The following PDE3B variants were observed in gnomAD, a reference collection of about 807,000 sequenced individuals.
PDE3B encodes phosphodiesterase 3B, also known as cGMP-inhibited 3',5'-cyclic phosphodiesterase 3B.
A neutral mutation model predicts 116.8 loss-of-function variants in PDE3B; 66 were observed. That is an observed-to-expected ratio of 0.56 (90% CI 0.46 to 0.69). The LOEUF (loss-of-function observed/expected upper bound fraction) is 0.69, where lower values mean the gene tolerates loss of function less well. Among genes scored for constraint, PDE3B ranks in the 30% least tolerant of loss-of-function variants. The pLI, the probability that PDE3B is intolerant of heterozygous loss-of-function variation, is 0.00. For synonymous variants in PDE3B, 595 were observed against 533.6 expected, an observed-to-expected ratio of 1.12 and a Z score of -1.59; for missense variants, 1,384 against 1,368.1, an observed-to-expected ratio of 1.01 and a Z score of -0.18.
chr11:14,743,685 G>T lies in PDE3B; in HGVS notation c.979-28252G>T, dbSNP rs551214154. Among the ~76,000 whole-genome samples, 182 of 152,328 alleles carry T rather than the reference G, an allele frequency of 1.2e-3. 1 individual carries two copies. Among genetic ancestry groups the T allele is most frequent in the Middle Eastern group, 3.4e-3 (1 of 294 alleles). On this transcript the variant is annotated intron_variant, in intron 1 of 15. Transcript: ENST00000282096. ...TTTGTGCTTGAAACCCAGGACCCTGGTGGCGTAGGTACCAGAGGGATTTTC... is the reference window on the plus strand; with the variant it reads ...TTTGTGCTTGAAACCCAGGACCCTGTTGGCGTAGGTACCAGAGGGATTTTC...
At chr11:14,756,193 A>G (rs1857175774) in intron 1 of PDE3B, among the ~76,000 whole-genome samples, 1 of 152,122 alleles carries the variant, frequency 6.6e-6, no homozygotes, top group South Asian at 2.1e-4. Context: ...GCTGGATACT[A>G]AGAATGATAA....
chr11:14,683,230 G>A (rs1397952614), intron 1 of PDE3B, among the ~76,000 whole-genome samples: 2 of 152,120 alleles, frequency 1.3e-5, no homozygotes, highest in Non-Finnish European at 2.9e-5. Flanking sequence ...GTGAGCCACC[G>A]TGCCTGGCCT....
chr11:14,881,172 T>C, the PDE3B span, among the ~76,000 whole-genome samples: 1 of 152,142 alleles, frequency 6.6e-6, no homozygotes, highest in South Asian at 2.1e-4. Context: ...CTTCTAGGAT[T>C]AGAAATTTTC....
At chr11:14,832,878 T>C in intron 10 of PDE3B, 45 bp downstream of exon 10, 2 of 818,858 alleles carry the variant, frequency 2.4e-6, no homozygotes, top group Non-Finnish European at 2.0e-6. Flanking sequence ...ATAATATGGG[T>C]TTTGAAACTC....
intron 2 of PDE3B, among the ~76,000 whole-genome samples, chr11:14,781,035 C>G (rs1425690291): frequency 2.6e-5 from 4 of 152,076 alleles, no homozygotes; most frequent in South Asian, 4.2e-4. Flanking sequence ...ACTGTAAACA[C>G]CCCTAAGCAA....
intron 1 of PDE3B, among the ~76,000 whole-genome samples, chr11:14,768,250 C>CAGAG (rs925395122): frequency 6.6e-6 from 1 of 151,472 alleles, no homozygotes; most frequent in African/African-American, 2.4e-5. Flanking sequence ...GTGTAAAGTA[C>CAGAG]AGAGACTAAA....
chr11:14,877,321 T>C, the PDE3B span: 2 of 152,262 alleles, frequency 1.3e-5, no homozygotes, highest in Non-Finnish European at 2.9e-5. Context: ...CACTAACCCA[T>C]GGAAATGCCT....
chr11:14,678,971 T>C (rs1854613242), intron 1 of PDE3B, among the ~76,000 whole-genome samples: 1 of 152,186 alleles, frequency 6.6e-6, no homozygotes, highest in African/African-American at 2.4e-5. Flanking sequence ...TTCTCCTACA[T>C]ACAGAATTTC....
At chr11:14,772,856 T>C (rs541596076) in intron 2 of PDE3B, 3 of 152,152 alleles carry the variant, frequency 2.0e-5, no homozygotes, top group Admixed American at 1.3e-4. Flanking sequence ...TTAATAATTC[T>C]AATAGCTTAT....
At chr11:14,733,057 C>T (rs1287343595) in intron 1 of PDE3B, among the ~76,000 whole-genome samples, 1 of 152,150 alleles carries the variant, frequency 6.6e-6, no homozygotes, top group Non-Finnish European at 1.5e-5. Flanking sequence ...AATCGATATA[C>T]CTATTTTTTG....
intron 4 of PDE3B, among the ~76,000 whole-genome samples, chr11:14,794,151 AAAAC>A (rs770426989): frequency 5.9e-5 from 9 of 152,194 alleles, no homozygotes; most frequent in African/African-American, 1.4e-4. Flanking sequence ...TAGAAAAAGA[AAAAC>A]AAACTCAATT....
At chr11:14,891,608 G>T in the PDE3B span, 49 of 1,062,578 alleles carry the variant, frequency 4.6e-5, no homozygotes, top group Non-Finnish European at 5.5e-5. Flanking sequence ...CTGCGAGGCC[G>T]ACTCGCAAGA....
At chr11:14,705,578 A>G (rs984183055) in intron 1 of PDE3B, among the ~76,000 whole-genome samples, 17 of 151,814 alleles carry the variant, frequency 1.1e-4, no homozygotes, top group African/African-American at 4.1e-4. Flanking sequence ...ACACAGTTGT[A>G]CAACATTTGT....
At chr11:14,723,329 C>G (rs923836430) in intron 1 of PDE3B, among the ~76,000 whole-genome samples, 3 of 152,096 alleles carry the variant, frequency 2.0e-5, no homozygotes, top group Non-Finnish European at 4.4e-5. Flanking sequence ...TAGTGGTGAG[C>G]AAAGGGAGAC....
chr11:14,781,872 G>A (rs558641957), intron 2 of PDE3B, among the ~76,000 whole-genome samples: 3 of 152,318 alleles, frequency 2.0e-5, no homozygotes, highest in African/African-American at 7.2e-5. Context: ...AAGTCAAATT[G>A]TCCCTGTTTG....
At chr11:14,806,179 G>A (rs1024977662) in intron 5 of PDE3B, among the ~76,000 whole-genome samples, 6 of 152,224 alleles carry the variant, frequency 3.9e-5, no homozygotes, top group East Asian at 3.9e-4. Flanking sequence ...GTGGCTGGGC[G>A]TGGTGGTGCA....
At chr11:14,858,696 T>C (rs1271457834) in intron 12 of PDE3B, among the ~76,000 whole-genome samples, 1 of 152,208 alleles carries the variant, frequency 6.6e-6, no homozygotes, top group Non-Finnish European at 1.5e-5. Flanking sequence ...TTCACAGAAG[T>C]TTATCTGAGA....
In PDE3B at chr11:14,830,678, C is replaced by CTA. The variant is rs1193234243; in HGVS notation, c.1808-12_1808-11dup. ...GGGCACATTTTACTCCTATATATTACTATATATATTTTTTGAAAGGTGAAG... is the reference window on the plus strand; with the variant it reads ...GGGCACATTTTACTCCTATATATTACTATATATATATTTTTTGAAAGGTGAAG... On this transcript the variant is annotated intron_variant, in intron 7 of 15. Transcript: ENST00000282096. 1 of 1,224,170 alleles carries CTA rather than the reference C, an allele frequency of 8.2e-7. No individual in the cohort carries two copies. The highest frequency in any genetic ancestry group is 1.1e-6 in the Non-Finnish European group (1 of 891,748). The allele number at this position is 1,224,170 out of a possible 1,614,324, so 75.8% of individuals were successfully genotyped here.
the PDE3B span, among the ~76,000 whole-genome samples, chr11:14,895,528 G>A: frequency 1.3e-5 from 2 of 152,098 alleles, no homozygotes; most frequent in South Asian, 4.1e-4. Context: ...TGGGAGGTAG[G>A]GTACCCAAAT....
Sources: gnomAD v4.1 joint callset for allele counts (sites outside exome capture counted in the v4.1 genomes callset) on GRCh38, gnomAD v4.1.1 for gene constraint, MANE v1.5 for transcripts, NCBI Gene and HGNC (gene_info 2026-07-23, HGNC 2026-07-21) for gene names.